The following RARB variants were observed in gnomAD, a reference collection of about 807,000 sequenced individuals.
RARB encodes the protein retinoic acid receptor beta, also known as HBV-activated protein.
In RARB, 17 loss-of-function variants were observed where a neutral mutation model predicts 51.9. The ratio of observed to expected loss-of-function variants is 0.33; its 90% confidence interval spans 0.22 to 0.49. The LOEUF (loss-of-function observed/expected upper bound fraction) is 0.49, where lower values mean the gene tolerates loss of function less well. Among genes scored for constraint, RARB ranks in the 20% least tolerant of loss-of-function variants. The probability of loss-of-function intolerance (pLI) is 0.99; values close to 1 mark genes in which losing one functional copy is unlikely to be tolerated. For missense variants in RARB, 369 were observed against 550.8 expected (o/e 0.67, Z 3.30); for synonymous variants, 215 against 195.4 (o/e 1.10, Z -0.84).
At chr3:24,832,653 T>TATATATATATATATATATATATATA (rs1169669449) in intron 1 of RARB, among the ~76,000 whole-genome samples, 2 of 63,402 alleles carry the variant, frequency 3.2e-5, no homozygotes, top group African/African-American at 2.0e-4. Context: ...ATATATATAA[T>TATATATATATATATATATATATATA]GTCAATTAAA....
At chr3:25,460,809 C>T (rs1695141587) in intron 1 of RARB, among the ~76,000 whole-genome samples, 1 of 152,170 alleles carries the variant, frequency 6.6e-6, no homozygotes, top group Non-Finnish European at 1.5e-5. Context: ...TCAGAAGCTA[C>T]TGGGGTTTGT....
chr3:25,327,223 AT>A (rs201328430), intron 5 of RARB, among the ~76,000 whole-genome samples: 2 of 151,806 alleles, frequency 1.3e-5, no homozygotes, highest in Admixed American at 6.6e-5. Flanking sequence ...GGAAGAAATT[AT>A]TTTTTTTTAA....
At chr3:25,480,855 A>G (rs1408791148) in intron 2 of RARB, among the ~76,000 whole-genome samples, 1 of 152,144 alleles carries the variant, frequency 6.6e-6, no homozygotes, top group African/African-American at 2.4e-5. Flanking sequence ...GCATGCCTCA[A>G]TGGAGTACAA....
chr3:24,981,176 T>A (rs1696661962), intron 2 of RARB, among the ~76,000 whole-genome samples: 3 of 152,144 alleles, frequency 2.0e-5, no homozygotes, highest in Non-Finnish European at 4.4e-5. Context: ...GTATGAGGTG[T>A]CCGTCAGCCC....
At chr3:25,572,526 G>T (rs1356179912) in intron 4 of RARB, among the ~76,000 whole-genome samples, 3 of 152,110 alleles carry the variant, frequency 2.0e-5, no homozygotes, top group Non-Finnish European at 4.4e-5. Flanking sequence ...AACCTAAACA[G>T]TCTGACTCCA....
At chr3:25,137,096 C>T (rs1280547561) in intron 4 of RARB, among the ~76,000 whole-genome samples, 5 of 152,030 alleles carry the variant, frequency 3.3e-5, no homozygotes, top group African/African-American at 1.2e-4. Context: ...ACACTAATCT[C>T]AGGCTATTTA....
intron 3 of RARB, among the ~76,000 whole-genome samples, chr3:25,083,718 T>G (rs1699053827): frequency 1.3e-5 from 2 of 152,188 alleles, no homozygotes; most frequent in Non-Finnish European, 2.9e-5. Flanking sequence ...GCATAGTAAA[T>G]GCTATGTTGT....
At chr3:25,099,978 T>C (rs1231540513) in intron 3 of RARB, among the ~76,000 whole-genome samples, 2 of 152,200 alleles carry the variant, frequency 1.3e-5, no homozygotes, top group African/African-American at 4.8e-5. Flanking sequence ...AAATATCATT[T>C]CCTGGTTTCA....
chr3:25,139,074 T>C (rs1210259685), intron 4 of RARB, among the ~76,000 whole-genome samples: 2 of 152,128 alleles, frequency 1.3e-5, no homozygotes, highest in African/African-American at 2.4e-5. Context: ...AATTGATAAA[T>C]AGTGTGTGTG....
At chr3:25,534,305 T>G (rs980887644) in intron 3 of RARB, among the ~76,000 whole-genome samples, 1 of 152,248 alleles carries the variant, frequency 6.6e-6, no homozygotes, top group Admixed American at 6.5e-5. Context: ...TGGGTACCTA[T>G]GTACCGTGCT....
chr3:25,156,999 C>T (rs1364554675), intron 4 of RARB, among the ~76,000 whole-genome samples: 2 of 152,104 alleles, frequency 1.3e-5, no homozygotes, highest in African/African-American at 2.4e-5. Flanking sequence ...ATAATGACCA[C>T]GTTCATACGT....
intron 5 of RARB, among the ~76,000 whole-genome samples, chr3:25,306,310 C>T (rs969258867): frequency 2.0e-5 from 3 of 152,124 alleles, no homozygotes; most frequent in African/African-American, 4.8e-5. Flanking sequence ...GTCAGCACCT[C>T]GGTTATGCAG....
chr3:25,226,776 G>A (rs1702065333), intron 5 of RARB, among the ~76,000 whole-genome samples: 1 of 152,126 alleles, frequency 6.6e-6, no homozygotes, highest in Admixed American at 6.6e-5. Flanking sequence ...AACACAAGGA[G>A]ACACATTAGA....
At chr3:25,278,054 A>G (rs1252969755) in intron 5 of RARB, among the ~76,000 whole-genome samples, 3 of 152,156 alleles carry the variant, frequency 2.0e-5, no homozygotes, top group Non-Finnish European at 4.4e-5. Context: ...TCATTGCTAG[A>G]CGATATAGTG....
intron 1 of RARB, among the ~76,000 whole-genome samples, chr3:25,458,705 C>T (rs1695030348): frequency 6.6e-6 from 1 of 152,118 alleles, no homozygotes. Context: ...CCAGTAAAGA[C>T]TATAATAGAT....
intron 4 of RARB, among the ~76,000 whole-genome samples, chr3:25,150,590 A>G (rs1700270526): frequency 1.3e-5 from 2 of 152,168 alleles, no homozygotes; most frequent in African/African-American, 4.8e-5. Context: ...CCACCCTTTT[A>G]AGAAATCCAG....
intron 3 of RARB, among the ~76,000 whole-genome samples, chr3:25,519,703 T>C (rs1291424902): frequency 6.6e-6 from 1 of 152,164 alleles, no homozygotes; most frequent in Non-Finnish European, 1.5e-5. Context: ...ATCATTTTAG[T>C]GCACATTTGT....
intron 5 of RARB, among the ~76,000 whole-genome samples, chr3:25,290,509 C>A (rs888285044): frequency 6.6e-6 from 1 of 152,156 alleles, no homozygotes; most frequent in African/African-American, 2.4e-5. Flanking sequence ...GCAAACTAAT[C>A]CACTGTGTGG....
At chr3:25,074,860 C>G (rs985732316) in intron 3 of RARB, among the ~76,000 whole-genome samples, 52 of 152,160 alleles carry the variant, frequency 3.4e-4, no homozygotes, top group Non-Finnish European at 4.1e-4. Context: ...GACTCTTTTC[C>G]TACATATGCA....
Sources: gnomAD v4.1 joint callset for allele counts (sites outside exome capture counted in the v4.1 genomes callset) on GRCh38, gnomAD v4.1.1 for gene constraint, MANE v1.5 for transcripts, NCBI Gene and HGNC (gene_info 2026-07-23, HGNC 2026-07-21) for gene names.